Variants in ROBO1 observed in about 807,000 individuals in gnomAD.
ROBO1 encodes the protein roundabout homolog 1.
Under a neutral mutation model 195.9 loss-of-function variants are expected in ROBO1, and 149 were observed. That is an observed-to-expected ratio of 0.76 (90% CI 0.67 to 0.87). The LOEUF is 0.87. Ranked by LOEUF, ROBO1 falls within the 40% of genes least tolerant of loss-of-function variation. The pLI is 0.00. For synonymous variants in ROBO1, 816 were observed against 733.2 expected (o/e 1.11, Z -1.82); for missense variants, 1,933 against 2,068.3 (o/e 0.93, Z 1.27).
At chr3:78,645,322 A>G (rs1206561324) in intron 21 of ROBO1, among the ~76,000 whole-genome samples, 1 of 151,902 alleles carries the variant, frequency 6.6e-6, no homozygotes, top group Non-Finnish European at 1.5e-5. Flanking sequence ...TTATCTTTCT[A>G]GTAGCAGTCA....
intron 3 of ROBO1, among the ~76,000 whole-genome samples, chr3:78,995,803 T>TA (rs980300843): frequency 2.1e-5 from 3 of 145,922 alleles, no homozygotes; most frequent in Non-Finnish European, 3.0e-5. Flanking sequence ...TAAAAAGTAA[T>TA]AAAAAAAAGT....
At chr3:78,695,781 A>G (rs2081276431) in intron 8 of ROBO1, among the ~76,000 whole-genome samples, 1 of 152,068 alleles carries the variant, frequency 6.6e-6, no homozygotes, top group African/African-American at 2.4e-5. Flanking sequence ...TAAGCTTTTA[A>G]CAACTCTGAT....
chr3:78,684,578 A>G (rs2107815945), intron 10 of ROBO1, among the ~76,000 whole-genome samples: 1 of 152,276 alleles, frequency 6.6e-6, no homozygotes, highest in East Asian at 1.9e-4. Context: ...TTCTAGCAAC[A>G]GTAAGAAAAT....
At chr3:79,571,285 A>G (rs888234609) in intron 2 of ROBO1, among the ~76,000 whole-genome samples, 2 of 152,092 alleles carry the variant, frequency 1.3e-5, no homozygotes, top group Non-Finnish European at 2.9e-5. Flanking sequence ...CCATGTTACT[A>G]AAAGTCAGAT....
Position 78,614,715 on chromosome 3 carries a change from C to T in ROBO1, c.4368G>A (p.Gln1456=), listed in dbSNP as rs1252291818. Residue 1456 remains glutamine, a synonymous_variant, in exon 28 of 31, where the codon CAG becomes CAA. Transcript: ENST00000464233. ...TCAGTTTCTTGGCTGGTCTGGTTTT[C>T]TGCATTACGGCGGCACTCATGTTGC... is the stretch of plus-strand genomic sequence containing the variant. ...TDSNMSAAVM[Q]KTRPAKKLKH... The T allele has an allele frequency of 2.5e-6, 4 of 1,613,006 alleles. No individual in the cohort carries two copies. The highest frequency in any genetic ancestry group is 4.5e-5 in the East Asian group (2 of 44,804).
At chr3:78,924,222 T>TTACATCTAAACTTGAAGCTA (rs1464230168) in intron 4 of ROBO1, among the ~76,000 whole-genome samples, 3 of 152,098 alleles carry the variant, frequency 2.0e-5, no homozygotes, top group Non-Finnish European at 4.4e-5. Flanking sequence ...AATGTGACAG[T>TTACATCTAAACTTGAAGCTA]TACATCTAAA....
intron 3 of ROBO1, among the ~76,000 whole-genome samples, chr3:79,122,272 GC>G (rs1230288342): frequency 2.0e-5 from 3 of 151,952 alleles, no homozygotes; most frequent in Non-Finnish European, 4.4e-5. Flanking sequence ...CAAGAAATGG[GC>G]CACTTCACTG....
rs71892319 is a variant in ROBO1 at position 78,683,129 on chromosome 3, T to TACAC, written c.1342+2613_1342+2616dup. Reference sequence around the variant, plus strand: ...CAATGTTGGCTAGGAGTTTTGTAGATACACACACACACACACACCGTCACA... The same window carrying TACAC: ...CAATGTTGGCTAGGAGTTTTGTAGATACACACACACACACACACACACCGTCACA... On this transcript the variant is annotated intron_variant, in intron 10 of 30. Transcript: ENST00000464233. Among the ~76,000 whole-genome samples the TACAC allele has an allele frequency of 1.6e-3, 241 of 150,104 alleles. 1 individual carries two copies. Among genetic ancestry groups the TACAC allele is most frequent in the African/African-American group, 5.6e-3 (230 of 41,096 alleles).
chr3:79,121,101 T>C (rs1371315828), intron 3 of ROBO1, among the ~76,000 whole-genome samples: 1 of 152,136 alleles, frequency 6.6e-6, no homozygotes, highest in Non-Finnish European at 1.5e-5. Context: ...CTGTCTCTAT[T>C]AATAATAGCA....
At chr3:78,687,634 T>A (rs1342543988) in intron 9 of ROBO1, among the ~76,000 whole-genome samples, 1 of 152,182 alleles carries the variant, frequency 6.6e-6, no homozygotes, top group Non-Finnish European at 1.5e-5. Flanking sequence ...TGTTTTATAC[T>A]TATTTTCTGA....
intron 25 of ROBO1, among the ~76,000 whole-genome samples, chr3:78,628,184 C>T (rs1004425190): frequency 5.9e-5 from 9 of 152,156 alleles, no homozygotes; most frequent in Non-Finnish European, 5.9e-5. Context: ...GAACTGCTGA[C>T]TTCAAGTGAT....
intron 3 of ROBO1, among the ~76,000 whole-genome samples, chr3:78,949,750 G>A (rs1040003239): frequency 2.2e-4 from 34 of 152,054 alleles, no homozygotes; most frequent in Middle Eastern, 3.4e-3. Flanking sequence ...GAAAATTTTC[G>A]CAACCTACTC....
chr3:78,833,822 G>T (rs1451741045), intron 4 of ROBO1, among the ~76,000 whole-genome samples: 1 of 152,108 alleles, frequency 6.6e-6, no homozygotes, highest in Non-Finnish European at 1.5e-5. Context: ...TGAGGGAAGA[G>T]AACTCAGCAT....
intron 1 of ROBO1, among the ~76,000 whole-genome samples, chr3:79,684,086 T>G (rs1453159468): frequency 6.6e-6 from 1 of 152,070 alleles, no homozygotes; most frequent in Non-Finnish European, 1.5e-5. Context: ...AGGACTCCAG[T>G]TTCTTCAGAT....
intron 2 of ROBO1, among the ~76,000 whole-genome samples, chr3:79,151,356 T>A (rs1046798902): frequency 1.3e-5 from 2 of 151,924 alleles, no homozygotes; most frequent in East Asian, 1.9e-4. Flanking sequence ...TGATTCTTTG[T>A]CCCAACCTCT....
intron 1 of ROBO1, among the ~76,000 whole-genome samples, chr3:79,625,423 G>GAAAAAAAAAAAAAAAAAAAAAAAAAACA: frequency 7.2e-5 from 1 of 13,876 alleles, no homozygotes; most frequent in Non-Finnish European, 1.3e-4. Flanking sequence ...TGTTTTTTTT[G>GAAAAAAAAAAAAAAAAAAAAAAAAAACA]AAAAAAAAAA....
intron 2 of ROBO1, among the ~76,000 whole-genome samples, chr3:79,369,852 T>C (rs1170137995): frequency 6.6e-6 from 1 of 152,136 alleles, no homozygotes; most frequent in South Asian, 2.1e-4. Context: ...AATAATCTAA[T>C]AAATTTGCAG....
intron 4 of ROBO1, among the ~76,000 whole-genome samples, chr3:78,883,685 C>T (rs1007371933): frequency 2.6e-5 from 4 of 152,076 alleles, no homozygotes; most frequent in African/African-American, 4.8e-5. Flanking sequence ...AAATTATGTA[C>T]TATTCTACTA....
intron 14 of ROBO1, 67 bp downstream of exon 14, chr3:78,667,816 T>C (rs762657470): frequency 7.5e-6 from 11 of 1,469,886 alleles, no homozygotes; most frequent in Non-Finnish European, 1.0e-5. Flanking sequence ...GCACAAGTGA[T>C]TTGTCAGTGC....
Sources: gnomAD v4.1 joint callset for allele counts (sites outside exome capture counted in the v4.1 genomes callset) on GRCh38, gnomAD v4.1.1 for gene constraint, MANE v1.5 for transcripts, NCBI Gene and HGNC (gene_info 2026-07-23, HGNC 2026-07-21) for gene names.